The following SLC35F1 variants were observed in gnomAD, a reference collection of about 807,000 sequenced individuals.
SLC35F1 encodes the protein solute carrier family 35 member F1, also known as chromosome 6 open reading frame 169.
In SLC35F1, 14 loss-of-function variants were observed where a neutral mutation model predicts 48.7. The ratio of observed to expected loss-of-function variants is 0.29; its 90% CI spans 0.19 to 0.45. SLC35F1 has a LOEUF of 0.45. SLC35F1 is among the 20% of genes least tolerant of loss of function. The probability of loss-of-function intolerance (pLI) is 1.00; values close to 1 mark genes in which losing one functional copy is unlikely to be tolerated. For missense variants in SLC35F1, 404 were observed against 500.0 expected (o/e 0.81, Z 1.83); for synonymous variants, 190 against 202.2 (o/e 0.94, Z 0.51).
intron 7 of SLC35F1, among the ~76,000 whole-genome samples, chr6:118,305,212 G>A (rs1452077301): frequency 1.3e-5 from 2 of 151,378 alleles, no homozygotes; most frequent in African/African-American, 4.9e-5. Context: ...AAAGTTGTCT[G>A]AAGGCAATCT....
At chr6:117,966,337 C>T (rs1444509483) in intron 1 of SLC35F1, among the ~76,000 whole-genome samples, 1 of 152,154 alleles carries the variant, frequency 6.6e-6, no homozygotes, top group Non-Finnish European at 1.5e-5. Context: ...CACGAACCCA[C>T]CGGCAGGAAC....
chr6:118,290,136 A>G (rs771506037), intron 7 of SLC35F1, among the ~76,000 whole-genome samples: 1 of 152,222 alleles, frequency 6.6e-6, no homozygotes, highest in Non-Finnish European at 1.5e-5. Flanking sequence ...TTCAGGTGTT[A>G]TCTCTTTTTG....
At chr6:118,262,086 A>G (rs942043782) in intron 3 of SLC35F1, among the ~76,000 whole-genome samples, 1 of 152,162 alleles carries the variant, frequency 6.6e-6, no homozygotes, top group Non-Finnish European at 1.5e-5. Context: ...TCTCACAGAC[A>G]CTCAGAAAAT....
chr6:118,182,047 T>C (rs1774584824), intron 2 of SLC35F1, among the ~76,000 whole-genome samples: 1 of 152,236 alleles, frequency 6.6e-6, no homozygotes, highest in Non-Finnish European at 1.5e-5. Flanking sequence ...TTCACTTGGA[T>C]GATACTTTCT....
Position 118,290,572 on chromosome 6 carries a change from A to T in SLC35F1, c.1002+5234A>T, listed in dbSNP as rs199632476. Among the ~76,000 whole-genome samples, 29 of 152,162 alleles carry T rather than the reference A, an allele frequency of 1.9e-4. No homozygotes were observed. The East Asian group carries it at 5.2e-3, about 27-fold the overall frequency. On this transcript the variant is annotated intron_variant, in intron 7 of 7. Coordinates refer to ENST00000360388, the MANE Select transcript of SLC35F1 (RefSeq NM_001029858.4). ...AATCCAAAAATTAAAAAAAAAATTT[A>T]TTTGCCTTAAAGAGTCTCTAAAAGG...
intron 1 of SLC35F1, among the ~76,000 whole-genome samples, chr6:117,919,365 C>T (rs1330644438): frequency 6.6e-6 from 1 of 152,134 alleles, no homozygotes; most frequent in African/African-American, 2.4e-5. Context: ...TTTTCATTTC[C>T]CCTTGGATGT....
chr6:117,989,758 A>G (rs1776893083), intron 1 of SLC35F1, among the ~76,000 whole-genome samples: 1 of 152,172 alleles, frequency 6.6e-6, no homozygotes, highest in South Asian at 2.1e-4. Context: ...AAGTAGAATA[A>G]AGTAAAGCAA....
intron 1 of SLC35F1, among the ~76,000 whole-genome samples, chr6:118,115,396 G>A (rs1773463523): frequency 6.6e-6 from 1 of 152,186 alleles, no homozygotes; most frequent in African/African-American, 2.4e-5. Context: ...GGTGATGGAG[G>A]AATCAAGGAC....
At chr6:118,058,218 C>A (rs773810250) in intron 1 of SLC35F1, among the ~76,000 whole-genome samples, 1 of 151,886 alleles carries the variant, frequency 6.6e-6, no homozygotes, top group South Asian at 2.1e-4. Flanking sequence ...CTTTTTTAAG[C>A]GACTATGGTA....
intron 1 of SLC35F1, among the ~76,000 whole-genome samples, chr6:118,075,085 G>T (rs1345774304): frequency 6.6e-6 from 1 of 152,158 alleles, no homozygotes; most frequent in African/African-American, 2.4e-5. Context: ...GAATGATGAA[G>T]CCATGTTCTG....
chr6:117,967,591 A>C (rs75310457), intron 1 of SLC35F1, among the ~76,000 whole-genome samples: 3,435 of 152,144 alleles, frequency 0.023, 61 homozygotes, highest in Middle Eastern at 0.095. Flanking sequence ...GACCCTGTTT[A>C]CTCTTGTTTC....
At chr6:118,109,456 A>G (rs1016496131) in intron 1 of SLC35F1, among the ~76,000 whole-genome samples, 1 of 152,180 alleles carries the variant, frequency 6.6e-6, no homozygotes, top group Non-Finnish European at 1.5e-5. Flanking sequence ...TCAAGGCTCA[A>G]GCATAAACTT....
At chr6:118,185,292 C>T (rs1774640293) in intron 2 of SLC35F1, among the ~76,000 whole-genome samples, 1 of 152,178 alleles carries the variant, frequency 6.6e-6, no homozygotes, top group Non-Finnish European at 1.5e-5. Context: ...ATTCCTTTAT[C>T]TCTTCTGCAA....
At chr6:118,300,108 C>T (rs1776238935) in intron 7 of SLC35F1, among the ~76,000 whole-genome samples, 1 of 152,134 alleles carries the variant, frequency 6.6e-6, no homozygotes. Flanking sequence ...ATTCAACCAA[C>T]CATGGATTGA....
At chr6:118,182,601 C>A (rs1774598305) in intron 2 of SLC35F1, among the ~76,000 whole-genome samples, 1 of 150,802 alleles carries the variant, frequency 6.6e-6, no homozygotes, top group Admixed American at 6.6e-5. Flanking sequence ...TACAGTGGCT[C>A]ACTCCTGAAA....
chr6:118,122,870 G>A (rs1398960173), intron 1 of SLC35F1, among the ~76,000 whole-genome samples: 1 of 152,196 alleles, frequency 6.6e-6, no homozygotes, highest in Non-Finnish European at 1.5e-5. Flanking sequence ...ATAAGGCACA[G>A]GGAAGAGTAT....
chr6:118,187,499 C>T (rs899033038), intron 2 of SLC35F1, among the ~76,000 whole-genome samples: 4 of 152,178 alleles, frequency 2.6e-5, no homozygotes, highest in African/African-American at 9.7e-5. Flanking sequence ...AAGACTTCTT[C>T]AATGATAATG....
At chr6:118,005,349 T>A (rs1488680362) in intron 1 of SLC35F1, among the ~76,000 whole-genome samples, 1 of 152,196 alleles carries the variant, frequency 6.6e-6, no homozygotes, top group East Asian at 1.9e-4. Context: ...TGTCCCTGTT[T>A]CTTTCAATGA....
At chr6:117,968,634 G>C (rs1253552672) in intron 1 of SLC35F1, among the ~76,000 whole-genome samples, 3 of 152,164 alleles carry the variant, frequency 2.0e-5, no homozygotes, top group Admixed American at 6.5e-5. Flanking sequence ...TGTATACTCA[G>C]AAGTGGTTTG....
Sources: allele counts gnomAD v4.1 joint callset (sites outside exome capture counted in the v4.1 genomes callset), GRCh38; gene constraint gnomAD v4.1.1; transcripts MANE v1.5; gene names NCBI Gene and HGNC (gene_info 2026-07-23, HGNC 2026-07-21).